Variants in LRP1B observed in about 807,000 individuals in gnomAD.
LRP1B encodes the protein LDL receptor related protein 1B.
In LRP1B, 217 loss-of-function variants were observed where a neutral mutation model predicts 556.6. The ratio of observed to expected loss-of-function variants is 0.39; its 90% CI spans 0.35 to 0.44. The LOEUF is 0.44. Ranked by LOEUF, LRP1B falls within the 20% of genes least tolerant of loss-of-function variation. The probability of loss-of-function intolerance (pLI) is 1.00; values close to 1 mark genes in which losing one functional copy is unlikely to be tolerated. For missense variants in LRP1B, 5,053 were observed against 5,620.8 expected (o/e 0.90, Z 3.23); for synonymous variants, 2,047 against 1,865.8 (o/e 1.10, Z -2.50).
intron 66 of LRP1B, among the ~76,000 whole-genome samples, chr2:140,396,519 C>T (rs1212969306): frequency 6.6e-6 from 1 of 152,034 alleles, no homozygotes; most frequent in Non-Finnish European, 1.5e-5. Context: ...CTAGTTCTGG[C>T]TCCAATTAAC....
At chr2:141,463,580 A>ATTATATATATAATATAT (rs1178401574) in intron 3 of LRP1B, among the ~76,000 whole-genome samples, 1 of 56,442 alleles carries the variant, frequency 1.8e-5, no homozygotes, top group African/African-American at 6.5e-5. Context: ...TATTATATAT[A>ATTATATATATAATATAT]ATTATATATA....
At chr2:140,417,701 C>G (rs1275212727) in intron 66 of LRP1B, among the ~76,000 whole-genome samples, 4 of 152,130 alleles carry the variant, frequency 2.6e-5, no homozygotes, top group Admixed American at 2.6e-4. Flanking sequence ...GGTTTCACTA[C>G]TCAGGTCAAA....
At chr2:141,818,934 T>A (rs1462026160) in intron 1 of LRP1B, among the ~76,000 whole-genome samples, 1 of 151,790 alleles carries the variant, frequency 6.6e-6, no homozygotes, top group Non-Finnish European at 1.5e-5. Context: ...TAATGGCATT[T>A]TAGATCCTTT....
Position 140,769,238 on chromosome 2 carries a change from A to G in LRP1B, c.5733T>C (p.Phe1911=). ...DALMPISGTS[F]AVGIDFHAEN... is the part of the protein sequence containing the mutation. ...CTGCATGGAAATCTATTCCCACGGCAAATGAAGTTCCTGATATAGGCATCA... is the reference window on the plus strand; with the variant it reads ...CTGCATGGAAATCTATTCCCACGGCGAATGAAGTTCCTGATATAGGCATCA... The change falls in exon 35 of 91, where the codon TTT becomes TTC. Residue 1911 remains phenylalanine (F), a synonymous_variant. Coordinates refer to ENST00000389484, the MANE Select transcript of LRP1B (RefSeq NM_018557.3). The G allele has an allele frequency of 6.2e-7, 1 of 1,612,146 alleles. No homozygotes were observed. The highest frequency in any genetic ancestry group is 8.5e-7 in the Non-Finnish European group (1 of 1,178,652).
chr2:141,203,739 C>G (rs895826764), intron 6 of LRP1B, among the ~76,000 whole-genome samples: 10 of 152,170 alleles, frequency 6.6e-5, no homozygotes, highest in Non-Finnish European at 1.5e-4. Flanking sequence ...TTCTTCTCAG[C>G]ACCTCATCAC....
chr2:141,408,309 A>AT (rs1451098141), intron 3 of LRP1B, among the ~76,000 whole-genome samples: 8 of 151,346 alleles, frequency 5.3e-5, no homozygotes, highest in Admixed American at 2.0e-4. Flanking sequence ...CGCGCAGCTA[A>AT]TTTTTTTTGT....
intron 6 of LRP1B, among the ~76,000 whole-genome samples, chr2:141,193,698 AC>A (rs2105207345): frequency 6.6e-6 from 1 of 151,858 alleles, no homozygotes; most frequent in African/African-American, 2.4e-5. Flanking sequence ...TATGTAACAA[AC>A]CTGCCCTTGT....
chr2:141,492,015 G>A (rs1198304825), intron 2 of LRP1B, among the ~76,000 whole-genome samples: 1 of 130,568 alleles, frequency 7.7e-6, no homozygotes, highest in Non-Finnish European at 1.6e-5. Context: ...AGTGATAATC[G>A]TTAAAGGAAT....
intron 1 of LRP1B, among the ~76,000 whole-genome samples, chr2:141,880,068 C>T (rs1239015219): frequency 6.6e-6 from 1 of 151,834 alleles, no homozygotes; most frequent in African/African-American, 2.4e-5. Flanking sequence ...AGAATTAGAC[C>T]AGAAGGTCTC....
intron 2 of LRP1B, among the ~76,000 whole-genome samples, chr2:141,806,780 G>T (rs548165573): frequency 1.8e-3 from 276 of 151,902 alleles, no homozygotes; most frequent in Admixed American, 2.6e-3. Flanking sequence ...TCCTTCTAAA[G>T]CATTTTATAA....
intron 3 of LRP1B, among the ~76,000 whole-genome samples, chr2:141,336,115 A>C (rs72856464): frequency 0.32 from 13,685 of 43,210 alleles, 774 homozygotes; most frequent in Admixed American, 0.37. Flanking sequence ...AGACCTGTCC[A>C]AAAAAAAAAA....
chr2:141,439,345 T>A (rs562738546), intron 3 of LRP1B, among the ~76,000 whole-genome samples: 6 of 152,128 alleles, frequency 3.9e-5, no homozygotes, highest in Non-Finnish European at 8.8e-5. Context: ...GAAATTCATT[T>A]GTTTCTGAAG....
At chr2:140,276,800 T>A (rs1573722406) in intron 84 of LRP1B, among the ~76,000 whole-genome samples, 1 of 152,046 alleles carries the variant, frequency 6.6e-6, no homozygotes, top group East Asian at 1.9e-4. Flanking sequence ...ATATAATTAA[T>A]TATAGAATCA....
chr2:141,362,668 C>T (rs1177495685), intron 3 of LRP1B, among the ~76,000 whole-genome samples: 3 of 152,080 alleles, frequency 2.0e-5, no homozygotes, highest in Non-Finnish European at 4.4e-5. Flanking sequence ...CAAATTCTTC[C>T]TTAACAAGTT....
intron 1 of LRP1B, among the ~76,000 whole-genome samples, chr2:142,017,722 T>A (rs7581094): frequency 6.6e-6 from 1 of 152,028 alleles, no homozygotes; most frequent in Non-Finnish European, 1.5e-5. Context: ...CCTGTCTCTA[T>A]AAAAGTTTTA....
intron 67 of LRP1B, among the ~76,000 whole-genome samples, chr2:140,383,745 T>G (rs1558844602): frequency 6.6e-6 from 1 of 152,212 alleles, no homozygotes; most frequent in East Asian, 1.9e-4. Context: ...AATACTTCAT[T>G]CTTGTTCGCT....
intron 11 of LRP1B, among the ~76,000 whole-genome samples, chr2:141,037,905 AAC>A (rs3061748): frequency 7.3e-5 from 11 of 151,000 alleles, no homozygotes; most frequent in Admixed American, 6.6e-5. Context: ...CTCACATACA[AAC>A]ACACACACAC....
intron 3 of LRP1B, among the ~76,000 whole-genome samples, chr2:141,438,102 A>G (rs552382864): frequency 6.6e-6 from 1 of 152,290 alleles, no homozygotes; most frequent in African/African-American, 2.4e-5. Flanking sequence ...TAACATTTAA[A>G]TGTAAATTTT....
At chr2:140,345,739 CATAT>C (rs570034130) in intron 77 of LRP1B, among the ~76,000 whole-genome samples, 4 of 124,664 alleles carry the variant, frequency 3.2e-5, no homozygotes, top group African/African-American at 8.8e-5. Flanking sequence ...CATATATATA[CATAT>C]ATATACACAT....
Sources: allele counts gnomAD v4.1 joint callset (sites outside exome capture counted in the v4.1 genomes callset), GRCh38; gene constraint gnomAD v4.1.1; transcripts MANE v1.5; gene names NCBI Gene and HGNC (gene_info 2026-07-23, HGNC 2026-07-21).